NWD1: variants seen among roughly 807,000 people sequenced by gnomAD.
NWD1 encodes NACHT domain- and WD repeat-containing protein 1.
Under a neutral mutation model 135.1 loss-of-function variants are expected in NWD1, and 129 were observed. The ratio of observed to expected loss-of-function variants is 0.96; its 90% CI spans 0.83 to 1.11. The LOEUF (loss-of-function observed/expected upper bound fraction) is 1.11, where lower values mean the gene tolerates loss of function less well. Among genes scored for constraint, NWD1 ranks in the 50% least tolerant of loss-of-function variants. The pLI is 0.00. For synonymous variants in NWD1, 773 were observed against 786.0 expected (o/e 0.98, Z 0.28); for missense variants, 1,740 against 1,851.3 (o/e 0.94, Z 1.10).
intron 1 of NWD1, among the ~76,000 whole-genome samples, chr19:16,722,746 C>A (rs1388591584): frequency 1.3e-5 from 2 of 151,972 alleles, no homozygotes; most frequent in East Asian, 3.9e-4. Flanking sequence ...TTGGCTCACA[C>A]TAGATACTAA....
chr19:16,817,719 G>A lies in NWD1; in HGVS notation c.*2680G>A, dbSNP rs1971104553. On this transcript the variant is annotated 3_prime_UTR_variant, in exon 19 of 19. Transcript: ENST00000524140. ...TTTAACTGAAGAGCCCAATTAAATTGTGAAGGGAGCCCTGAAAAAATTAGC... is the reference window on the plus strand; with the variant it reads ...TTTAACTGAAGAGCCCAATTAAATTATGAAGGGAGCCCTGAAAAAATTAGC... 1 of 151,626 alleles carries A rather than the reference G, an allele frequency of 6.6e-6. No homozygotes were observed. Among genetic ancestry groups the A allele is most frequent in the African/African-American group, 2.4e-5 (1 of 41,240 alleles). 9.4% of individuals were successfully genotyped at this position (151,626 alleles called of 1,614,324 possible).
At chr19:16,789,431 T>C (rs1970167245) in intron 13 of NWD1, among the ~76,000 whole-genome samples, 1 of 152,178 alleles carries the variant, frequency 6.6e-6, no homozygotes, top group African/African-American at 2.4e-5. Flanking sequence ...AATATCAGCA[T>C]TTTAGGGCTA....
At chr19:16,792,402 C>T (rs977282380) in intron 14 of NWD1, among the ~76,000 whole-genome samples, 7 of 151,944 alleles carry the variant, frequency 4.6e-5, no homozygotes, top group African/African-American at 1.7e-4. Context: ...ATTGACCAGG[C>T]ACGGTGGCTC....
At position 16,750,314 on chromosome 19, in the gene NWD1, A is replaced by T; in HGVS notation, c.1672A>T (p.Thr558Ser). 6.2e-7 allele frequency: 1 copy of T among 1,613,388 alleles called. No homozygotes were observed. The highest frequency in any genetic ancestry group is 8.5e-7 in the Non-Finnish European group (1 of 1,179,930). ...SFTVPVPLAT[T>S]AEEATHQLCT... Reference sequence around the variant, plus strand: ...CACCGTGCCTGTCCCGCTGGCCACCACCGCAGAGGAAGCCACGCACCAACT... The same window carrying T: ...CACCGTGCCTGTCCCGCTGGCCACCTCCGCAGAGGAAGCCACGCACCAACT... Residue 558 changes from threonine to serine, a missense_variant, in exon 6 of 19, where the codon ACC becomes TCC. Transcript: ENST00000524140.
Position 16,763,929 on chromosome 19 carries a change from G to A in NWD1, c.2235G>A (p.Leu745=), listed in dbSNP as rs1251846034. ...TTCACTCGGGCCGCCTGGAGGAGCT[G>A]AAACAGGAGGTTCTGGGTAAGGGCT... The part of the protein sequence containing the change: ...HLLHSGRLEE[L]KQEVLGSMSW... Residue 745 remains leucine (L), a synonymous_variant, in exon 9 of 19, where the codon CTG becomes CTA. Coordinates refer to ENST00000524140, the MANE Select transcript of NWD1 (RefSeq NM_001007525.5). The A allele has an allele frequency of 3.7e-6, 6 of 1,609,904 alleles. No individual in the cohort carries two copies. In the African/African-American group the frequency reaches 6.7e-5, roughly 18 times the overall value.
chr19:16,801,235 C>T (rs530273582), intron 17 of NWD1, among the ~76,000 whole-genome samples: 57 of 152,028 alleles, frequency 3.7e-4, no homozygotes, highest in Non-Finnish European at 7.1e-4. Flanking sequence ...GCCGAGATCA[C>T]GCCATTGCAC....
intron 18 of NWD1, among the ~76,000 whole-genome samples, chr19:16,809,009 G>A (rs928084662): frequency 5.3e-5 from 8 of 152,212 alleles, no homozygotes; most frequent in African/African-American, 1.2e-4. Flanking sequence ...GATTGAGCCC[G>A]GATGCCACTG....
chr19:16,744,535 G>A lies in NWD1; in HGVS notation c.313G>A (p.Ala105Thr), dbSNP rs1161929289. Residue 105 changes from alanine (A) to threonine (T), a missense_variant, in exon 5 of 19, where the codon GCA (alanine) becomes ACA (threonine). Transcript: ENST00000524140. ...CAGGCCAAGTGACCTGGAGCTGGTG[G>A]CACGATACTTCCAGAGGGACGAGAA... ...TARPSDLELV[A>T]RYFQRDENAF... is the part of the protein sequence containing the mutation. The A allele has an allele frequency of 1.3e-6, 2 of 1,535,918 alleles. No homozygotes were observed. Among genetic ancestry groups the A allele is most frequent in the Non-Finnish European group, 1.7e-6 (2 of 1,146,890 alleles).
chr19:16,721,731 A>G (rs1348249073), intron 1 of NWD1: 1 of 152,194 alleles, frequency 6.6e-6, no homozygotes, highest in Admixed American at 6.6e-5. Context: ...CTAGCTGGTG[A>G]GAAAGTTCTC....
intron 6 of NWD1, among the ~76,000 whole-genome samples, chr19:16,754,253 C>T (rs886308164): frequency 6.6e-6 from 1 of 150,538 alleles, no homozygotes; most frequent in Non-Finnish European, 1.5e-5. Flanking sequence ...CTCCATCTTC[C>T]ATCCATCTAT....
intron 18 of NWD1, among the ~76,000 whole-genome samples, chr19:16,809,081 A>G (rs1970842009): frequency 6.6e-6 from 1 of 151,938 alleles, no homozygotes; most frequent in African/African-American, 2.4e-5. Context: ...AAAACTCAGC[A>G]ATGAAGATAA....
chr19:16,795,042 A>G (rs927803074), intron 15 of NWD1, among the ~76,000 whole-genome samples: 12 of 152,228 alleles, frequency 7.9e-5, no homozygotes, highest in Non-Finnish European at 1.8e-4. Flanking sequence ...TTAGCCTCCC[A>G]AAGTGCTGGG....
At chr19:16,775,288 G>C (rs1969559749) in intron 11 of NWD1, among the ~76,000 whole-genome samples, 1 of 144,580 alleles carries the variant, frequency 6.9e-6, no homozygotes, top group African/African-American at 2.9e-5. Flanking sequence ...TAGAATATAG[G>C]CTCAGATGTT....
chr19:16,791,428 G>T lies in NWD1; in HGVS notation c.3019G>T (p.Ala1007Ser). 6.2e-7 allele frequency: 1 copy of T among 1,614,112 alleles called. No individual in the cohort carries two copies. The highest frequency in any genetic ancestry group is 8.5e-7 in the Non-Finnish European group (1 of 1,179,990). ...TGCCTCTGATCCTTGGATGTGCATG[G>T]CCGTGCTGGCCTCCCAGGCCACACT... is the stretch of plus-strand genomic sequence containing the variant. ...GDASDPWMCM[A>S]VLASQATLLT... The change falls in exon 14 of 19, where the codon GCC (alanine) becomes TCC (serine). Residue 1007 changes from alanine to serine, a missense_variant. Coordinates refer to ENST00000524140, the MANE Select transcript of NWD1 (RefSeq NM_001007525.5).
At chr19:16,761,432 A>G (rs1470380151) in intron 7 of NWD1, among the ~76,000 whole-genome samples, 1 of 147,480 alleles carries the variant, frequency 6.8e-6, no homozygotes, top group African/African-American at 2.7e-5. Context: ...GCTGGAGTGC[A>G]GTGGCACCAC....
chr19:16,757,458 C>G (rs575915168), intron 6 of NWD1, among the ~76,000 whole-genome samples: 1 of 152,306 alleles, frequency 6.6e-6, no homozygotes, highest in Admixed American at 6.5e-5. Context: ...AAAAGAGGAA[C>G]TAGTGCATTT....
intron 18 of NWD1, among the ~76,000 whole-genome samples, chr19:16,813,008 A>G (rs1970971991): frequency 6.6e-6 from 1 of 152,192 alleles, no homozygotes; most frequent in Admixed American, 6.5e-5. Context: ...AGGGCCCACA[A>G]TCCCTCTTCT....
intron 3 of NWD1, among the ~76,000 whole-genome samples, chr19:16,733,413 C>T (rs576560206): frequency 4.5e-4 from 67 of 150,074 alleles, no homozygotes; most frequent in Middle Eastern, 3.5e-3. Flanking sequence ...CCCAGCTACT[C>T]GGGAGGCTGG....
At chr19:16,803,692 G>A (rs576891808) in intron 17 of NWD1, among the ~76,000 whole-genome samples, 17 of 151,630 alleles carry the variant, frequency 1.1e-4, no homozygotes, top group South Asian at 1.0e-3. Context: ...TGAGGTGGGC[G>A]GATCATTTGA....
Sources: allele counts gnomAD v4.1 joint callset (sites outside exome capture counted in the v4.1 genomes callset), GRCh38; gene constraint gnomAD v4.1.1; transcripts MANE v1.5; gene names NCBI Gene and HGNC (gene_info 2026-07-23, HGNC 2026-07-21).